The following PTPRK variants were observed in gnomAD, a reference collection of about 807,000 sequenced individuals.
PTPRK encodes protein tyrosine phosphatase receptor type K.
PTPRK carries 75 observed loss-of-function variants against 178.0 expected under a neutral mutation model. The ratio of observed to expected loss-of-function variants is 0.42; its 90% CI spans 0.35 to 0.51. PTPRK has a LOEUF of 0.51. PTPRK is among the 20% of genes least tolerant of loss of function. The pLI, the probability that PTPRK is intolerant of heterozygous loss-of-function variation, is 0.02. For missense variants in PTPRK, 1,441 were observed against 1,797.8 expected, an observed-to-expected ratio of 0.80 and a Z score of 3.59; for synonymous variants, 637 against 620.6, an observed-to-expected ratio of 1.03 and a Z score of -0.39.
At chr6:128,229,078 G>T (rs1191444592) in intron 5 of PTPRK, among the ~76,000 whole-genome samples, 1 of 152,084 alleles carries the variant, frequency 6.6e-6, no homozygotes, top group East Asian at 1.9e-4. Context: ...TGCAAAAAAG[G>T]TGTTTCTGAC....
chr6:128,114,068 A>G (rs1562607885), intron 7 of PTPRK, among the ~76,000 whole-genome samples: 1 of 152,114 alleles, frequency 6.6e-6, no homozygotes, highest in Non-Finnish European at 1.5e-5. Flanking sequence ...TTGAAGGCTA[A>G]GAGGCAGGAG....
At chr6:128,222,356 A>G (rs896626251) in intron 5 of PTPRK, among the ~76,000 whole-genome samples, 2 of 152,184 alleles carry the variant, frequency 1.3e-5, no homozygotes, top group African/African-American at 4.8e-5. Flanking sequence ...CCTGGTTCCT[A>G]ACTTGAAGAC....
At position 128,513,421 on chromosome 6, in the gene PTPRK, T is replaced by G. The variant is rs149346796; in HGVS notation, c.100+6838A>C. ...TCTCTTGAACCCAGGAGGCAGAAGT[T>G]TCAGTGAGCCGAGATCGTGCCACTG... is the stretch of plus-strand genomic sequence containing the variant. On this transcript the variant is annotated intron_variant, in intron 1 of 29. Transcript: ENST00000368226. 4.1e-3 allele frequency among the ~76,000 whole-genome samples: 619 copies of G among 150,816 alleles called. 3 individuals are homozygous for G. The highest frequency in any genetic ancestry group is 0.014 in the African/African-American group (578 of 40,948).
At chr6:128,311,013 G>C (rs568378706) in intron 3 of PTPRK, among the ~76,000 whole-genome samples, 8 of 152,214 alleles carry the variant, frequency 5.3e-5, no homozygotes, top group African/African-American at 1.9e-4. Flanking sequence ...GTTCCCCCGG[G>C]ATCCCAGCAG....
At chr6:128,247,972 C>CT (rs1293771681) in intron 3 of PTPRK, among the ~76,000 whole-genome samples, 1 of 152,274 alleles carries the variant, frequency 6.6e-6, no homozygotes, top group South Asian at 2.1e-4. Flanking sequence ...TTAAATTTTG[C>CT]TAACGTTCAG....
chr6:128,216,088 G>C (rs944117159), intron 6 of PTPRK, among the ~76,000 whole-genome samples: 1 of 152,194 alleles, frequency 6.6e-6, no homozygotes, highest in Non-Finnish European at 1.5e-5. Flanking sequence ...ACAACCTAAA[G>C]TGTGTTGAAA....
At chr6:128,003,591 G>A (rs188856656) in intron 15 of PTPRK, among the ~76,000 whole-genome samples, 12 of 151,688 alleles carry the variant, frequency 7.9e-5, no homozygotes, top group Non-Finnish European at 1.5e-5. Context: ...AGTTATCTGT[G>A]GGAAATAGAT....
At chr6:128,119,594 A>G (rs986328585) in intron 7 of PTPRK, among the ~76,000 whole-genome samples, 3 of 152,096 alleles carry the variant, frequency 2.0e-5, no homozygotes, top group African/African-American at 7.2e-5. Flanking sequence ...TGATAAAATA[A>G]TAGCTAAAAA....
At chr6:128,228,384 C>T (rs940501107) in intron 5 of PTPRK, among the ~76,000 whole-genome samples, 1 of 151,468 alleles carries the variant, frequency 6.6e-6, no homozygotes, top group African/African-American at 2.4e-5. Flanking sequence ...CGGTGGCTCA[C>T]GCCTGTAATC....
intron 5 of PTPRK, among the ~76,000 whole-genome samples, chr6:128,236,444 G>A (rs984144181): frequency 2.7e-5 from 4 of 150,930 alleles, no homozygotes; most frequent in Non-Finnish European, 5.9e-5. Context: ...CGCCTCCCGG[G>A]TTCAAGCAAT....
At chr6:128,145,475 T>G (rs949126868) in intron 7 of PTPRK, among the ~76,000 whole-genome samples, 4 of 152,156 alleles carry the variant, frequency 2.6e-5, no homozygotes, top group African/African-American at 9.7e-5. Context: ...TAATGCTCCT[T>G]CATTTACAAA....
chr6:128,209,327 G>A (rs1035488091), intron 6 of PTPRK, among the ~76,000 whole-genome samples: 1 of 152,072 alleles, frequency 6.6e-6, no homozygotes, highest in Admixed American at 6.6e-5. Context: ...TACAATTTCA[G>A]GATCATCTCA....
chr6:128,268,635 A>G (rs1420029868), intron 3 of PTPRK, among the ~76,000 whole-genome samples: 3 of 152,064 alleles, frequency 2.0e-5, no homozygotes. Flanking sequence ...CCCAGTGAAC[A>G]GTAAAATTAT....
chr6:128,167,355 A>G (rs1799570461), intron 7 of PTPRK, among the ~76,000 whole-genome samples: 1 of 151,964 alleles, frequency 6.6e-6, no homozygotes, highest in Non-Finnish European at 1.5e-5. Context: ...AATTGCATTA[A>G]TATTTGCCAT....
intron 22 of PTPRK, among the ~76,000 whole-genome samples, chr6:127,984,767 C>T (rs1012048827): frequency 3.3e-5 from 5 of 152,152 alleles, no homozygotes; most frequent in African/African-American, 1.2e-4. Context: ...TGTCCCCTAC[C>T]ATCTTCTCAA....
At chr6:128,090,030 A>G (rs1582956276) in intron 7 of PTPRK, 38 bp from the exon 8 acceptor site, 1 of 1,462,454 alleles carries the variant, frequency 6.8e-7, no homozygotes, top group Non-Finnish European at 9.5e-7. Flanking sequence ...GCTGTCTATT[A>G]TATCATGAAT....
intron 2 of PTPRK, among the ~76,000 whole-genome samples, chr6:128,378,348 C>T (rs1248850659): frequency 6.6e-6 from 1 of 152,016 alleles, no homozygotes; most frequent in Non-Finnish European, 1.5e-5. Flanking sequence ...GCTATCTGGT[C>T]ATGATTTCAT....
At chr6:128,304,493 G>T (rs1826090794) in intron 3 of PTPRK, among the ~76,000 whole-genome samples, 1 of 152,058 alleles carries the variant, frequency 6.6e-6, no homozygotes, top group African/African-American at 2.4e-5. Flanking sequence ...AAGTTTTTTT[G>T]AAAGTAGTTG....
rs1470986107 is a variant in PTPRK at position 128,478,426 on chromosome 6, C to A, written c.100+41833G>T. Among the ~76,000 whole-genome samples the A allele has an allele frequency of 3.3e-5, 5 of 152,214 alleles. No individual in the cohort carries two copies. The South Asian group carries it at 8.3e-4, about 25-fold the overall frequency. ...TGTGCTAGTTCCGGAACTGCTCTAA[C>A]CTTCTTTGGTCTTCTCTCCACACTG... On this transcript the variant is annotated intron_variant, in intron 1 of 29. Coordinates refer to ENST00000368226, the MANE Select transcript of PTPRK (RefSeq NM_002844.4).
Sources: gnomAD v4.1 joint callset for allele counts (sites outside exome capture counted in the v4.1 genomes callset) on GRCh38, gnomAD v4.1.1 for gene constraint, MANE v1.5 for transcripts, NCBI Gene and HGNC (gene_info 2026-07-23, HGNC 2026-07-21) for gene names.